The following KDM5C variants were observed in gnomAD, a reference collection of about 807,000 sequenced individuals.
The protein encoded by KDM5C is lysine-specific demethylase 5C.
Under a neutral mutation model 110.6 loss-of-function variants are expected in KDM5C, and 16 were observed. That is an observed-to-expected ratio of 0.14 (90% confidence interval 0.10 to 0.22). The LOEUF (loss-of-function observed/expected upper bound fraction) is 0.22, where lower values mean the gene tolerates loss of function less well. Ranked by LOEUF, KDM5C falls within the 10% of genes least tolerant of loss-of-function variation. The pLI, the probability that KDM5C is intolerant of heterozygous loss-of-function variation, is 1.00. For synonymous variants in KDM5C, 511 were observed against 520.4 expected, an observed-to-expected ratio of 0.98 and a Z score of 0.24; for missense variants, 681 against 1,300.9, an observed-to-expected ratio of 0.52 and a Z score of 7.33.
At chrX:53,188,380 C>CT (rs782703729), downstream of KDM5C, among the ~76,000 whole-genome samples, 53 of 103,129 alleles carry the variant, frequency 5.1e-4, no homozygotes, top group South Asian at 1.8e-3. Flanking sequence ...AACTGACCTA[C>CT]TTTTTTTTTT....
intron 14 of KDM5C, 102 bp from the exon 15 acceptor site, chrX:53,199,260 G>T: frequency 1.1e-6 from 1 of 889,221 alleles, no homozygotes; most frequent in Non-Finnish European, 1.6e-6. Flanking sequence ...AATCTATGCT[G>T]AGGGTCATGG....
At chrX:53,212,962 C>T (rs782045277) in intron 8 of KDM5C, among the ~76,000 whole-genome samples, 1 of 110,996 alleles carries the variant, frequency 9.0e-6, no homozygotes, top group Non-Finnish European at 1.9e-5. Context: ...GATGGCATCA[C>T]TGCACTCCAG....
intron 8 of KDM5C, among the ~76,000 whole-genome samples, chrX:53,213,289 T>C (rs1260999429): frequency 9.0e-6 from 1 of 111,665 alleles, no homozygotes; most frequent in Admixed American, 9.5e-5. Flanking sequence ...GTATCCAAAC[T>C]CCTCCCCAAC....
chrX:53,202,531 A>G (rs961831510), intron 12 of KDM5C: 1 of 119,574 alleles, frequency 8.4e-6, no homozygotes, highest in African/African-American at 3.3e-5. Flanking sequence ...CAATATTTAA[A>G]TCTCTTTTCC....
Position 53,201,947 on chromosome X carries a change from T to C in KDM5C, c.1773A>G (p.Gly591=). 1.7e-6 allele frequency: 2 copies of C among 1,211,843 alleles called. No homozygotes were observed. Among genetic ancestry groups the C allele is most frequent in the Non-Finnish European group, 2.2e-6 (2 of 895,450 alleles). The change falls in exon 13 of 26, where the codon GGA becomes GGG. Residue 591 remains glycine (G), a synonymous_variant. Coordinates refer to ENST00000375401, the MANE Select transcript of KDM5C (RefSeq NM_004187.5). ...VPVVRTNQCA[G]EFVITFPRAY... ...CACGGGGGAAGGTGATGACAAACTC[T>C]CCTGCACACTGGTTTGTGCGGACAA...
At chrX:53,190,026 G>A (rs1035139323), downstream of KDM5C, among the ~76,000 whole-genome samples, 3 of 112,478 alleles carry the variant, frequency 2.7e-5, no homozygotes, top group South Asian at 1.1e-3. Flanking sequence ...CATTTGGGAG[G>A]ACTCGGCAGC....
rs782222959 is a variant in KDM5C at position 53,201,694 on chromosome X, G to A, written c.1917C>T (p.Tyr639=). The change falls in exon 14 of 26, where the codon TAC becomes TAT. Residue 639 remains tyrosine, a synonymous_variant. Transcript: ENST00000375401. ...CIEHYRRLRR[Y]CVFSHEELIC... ...TAAGCTCCTCATGGGAGAAGACGCA[G>A]TATCTCCGGAGCCGGCGGTAGTGCT... 31 of 1,212,179 alleles carry A rather than the reference G, an allele frequency of 2.6e-5. No individual in the cohort carries two copies. The highest frequency in any genetic ancestry group is 3.0e-5 in the East Asian group (1 of 33,862).
intron 12 of KDM5C, among the ~76,000 whole-genome samples, chrX:53,204,392 AG>A (rs1556844079): frequency 9.0e-6 from 1 of 110,653 alleles, no homozygotes; most frequent in East Asian, 2.8e-4. Flanking sequence ...AATTGTACCT[AG>A]GAGACCTTAA....
chrX:53,215,765 A>C (rs1569278116), intron 7 of KDM5C, 30 bp downstream of exon 7: 3 of 1,188,651 alleles, frequency 2.5e-6, no homozygotes, highest in African/African-American at 3.5e-5. Flanking sequence ...CAAGAAGCAG[A>C]GCATTAAGAA....
At position 53,192,880 on chromosome X, in the gene KDM5C, C is replaced by CCCCCCCCCCCACA; in HGVS notation, c.*86_*87insTGTGGGGGGGGGG. ...ATGGCCACCCCCCTACCCGCCCACC[C>CCCCCCCCCCCACA]CCCAAGAAGCAGGCTTGATGGTCAG... On this transcript the variant is annotated 3_prime_UTR_variant, in exon 26 of 26. Coordinates refer to ENST00000375401, the MANE Select transcript of KDM5C (RefSeq NM_004187.5). The CCCCCCCCCCCACA allele has an allele frequency of 1.9e-6, 2 of 1,041,140 alleles. No homozygotes were observed. The highest frequency in any genetic ancestry group is 3.3e-5 in the East Asian group (1 of 30,508). 85.8% of individuals were successfully genotyped at this position (1,041,140 alleles called of 1,213,427 possible).
chrX:53,224,174 A>C (rs1199110250), intron 1 of KDM5C, among the ~76,000 whole-genome samples: 1 of 112,032 alleles, frequency 8.9e-6, no homozygotes, highest in Non-Finnish European at 1.9e-5. Flanking sequence ...TGCGTACTAC[A>C]TACAGACGCT....
chrX:53,184,411 T>A (rs1934158538), intron 25 of KDM5C, among the ~76,000 whole-genome samples: 1 of 110,910 alleles, frequency 9.0e-6, no homozygotes, highest in African/African-American at 3.3e-5. Context: ...AGCTAATTTT[T>A]AAATTTTTTT....
At position 53,201,850 on chromosome X, in the gene KDM5C, T is replaced by C. The variant is rs782574238; in HGVS notation, c.1866+4A>G. ...CCCACCATCCCACCACATTCTAGAC[T>C]CACCCAGTCAGCAGTGCAAAAGTTG... On this transcript the variant is annotated splice_donor_region_variant and intron_variant, in intron 13 of 25. Transcript: ENST00000375401. 6 of 1,210,125 alleles carry C rather than the reference T, an allele frequency of 5.0e-6. No individual in the cohort carries two copies. Among genetic ancestry groups the C allele is most frequent in the Non-Finnish European group, 5.6e-6 (5 of 895,291 alleles).
intron 12 of KDM5C, among the ~76,000 whole-genome samples, chrX:53,208,416 CATATATATATAT>C (rs66504974): frequency 3.0e-4 from 26 of 85,356 alleles, no homozygotes; most frequent in Non-Finnish European, 4.4e-4. Context: ...TATACACATA[CATATATATATAT>C]ATATATATAT....
At chrX:53,185,056 C>G (rs1333322013) in intron 25 of KDM5C, among the ~76,000 whole-genome samples, 3 of 112,234 alleles carry the variant, frequency 2.7e-5, no homozygotes, top group African/African-American at 9.7e-5. Context: ...TCAACTCACC[C>G]TTTTGACTAT....
chrX:53,182,950 C>T (rs1355128378), intron 25 of KDM5C, among the ~76,000 whole-genome samples: 1 of 111,385 alleles, frequency 9.0e-6, no homozygotes, highest in Non-Finnish European at 1.9e-5. Flanking sequence ...CTATGTTTTC[C>T]TCCAGTTTTA....
intron 8 of KDM5C, 75 bp from the exon 9 acceptor site, chrX:53,211,981 A>G: frequency 1.7e-6 from 2 of 1,153,896 alleles, no homozygotes; most frequent in East Asian, 3.0e-5. Flanking sequence ...GAACTGGAAT[A>G]TAAGGGGTAG....
intron 12 of KDM5C, among the ~76,000 whole-genome samples, chrX:53,203,129 CA>C (rs1425586218): frequency 8.9e-6 from 1 of 111,892 alleles, no homozygotes; most frequent in African/African-American, 3.3e-5. Flanking sequence ...TAAAAACTCC[CA>C]TAGTTGTTGA....
chrX:53,217,294 G>T lies in KDM5C; in HGVS notation c.523-17C>A. On this transcript the variant is annotated splice_polypyrimidine_tract_variant and intron_variant, in intron 4 of 25. Coordinates refer to ENST00000375401, the MANE Select transcript of KDM5C (RefSeq NM_004187.5). ...GTTACACTGCTGGGGACAGGTAAGG[G>T]GTAAGGGTCAGGACATGGACTCCAG... 1 of 1,209,988 alleles carries T rather than the reference G, an allele frequency of 8.3e-7. No individual in the cohort carries two copies. The highest frequency in any genetic ancestry group is 1.7e-5 in the African/African-American group (1 of 57,585).
Sources: allele counts gnomAD v4.1 joint callset (sites outside exome capture counted in the v4.1 genomes callset), GRCh38; gene constraint gnomAD v4.1.1; transcripts MANE v1.5; gene names NCBI Gene and HGNC (gene_info 2026-07-23, HGNC 2026-07-21).